The following GLG1 variants were observed in gnomAD, a reference collection of about 807,000 sequenced individuals.
The protein encoded by GLG1 is golgi glycoprotein 1.
Under a neutral mutation model 160.5 loss-of-function variants are expected in GLG1, and 38 were observed. The ratio of observed to expected loss-of-function variants is 0.24; its 90% CI spans 0.18 to 0.31. GLG1 has a LOEUF of 0.31. Among genes scored for constraint, GLG1 ranks in the 10% least tolerant of loss-of-function variants. GLG1 has a pLI of 1.00. For missense variants in GLG1, 1,373 were observed against 1,505.2 expected (o/e 0.91, Z 1.45); for synonymous variants, 644 against 543.4 (o/e 1.19, Z -2.57).
At chr16:74,517,006 G>C (rs1197163670) in intron 2 of GLG1, among the ~76,000 whole-genome samples, 1 of 152,192 alleles carries the variant, frequency 6.6e-6, no homozygotes, top group African/African-American at 2.4e-5. Context: ...AAACCAGGAA[G>C]AAGTTGAATC....
rs200712036 is a variant in GLG1 at position 74,463,414 on chromosome 16, T to C, written c.2733A>G (p.Glu911=). 172 of 1,613,694 alleles carry C rather than the reference T, an allele frequency of 1.1e-4. 5 individuals are homozygous for C. The Middle Eastern group carries it at 7.6e-3, about 71-fold the overall frequency. The change falls in exon 20 of 26, where the codon GAA becomes GAG. Residue 911 remains glutamate, a synonymous_variant. Coordinates refer to ENST00000422840, the MANE Select transcript of GLG1 (RefSeq NM_001145667.2). ...TCTGTTTGCATTTGGGATCCATCAATTCACTGTTTTTATTTTGCTTCAAGC... is the reference window on the plus strand; with the variant it reads ...TCTGTTTGCATTTGGGATCCATCAACTCACTGTTTTTATTTTGCTTCAAGC... ...LQCLKQNKNS[E]LMDPKCKQMI...
At chr16:74,462,400 G>A (rs901741375) in intron 21 of GLG1, 88 bp downstream of exon 21, 225 of 1,271,350 alleles carry the variant, frequency 1.8e-4, no homozygotes, top group Non-Finnish European at 2.3e-4. Flanking sequence ...TTGGGAAAAC[G>A]GGAGCAAGCT....
At chr16:74,470,844 G>A (rs535610717) in intron 15 of GLG1, among the ~76,000 whole-genome samples, 84 of 151,522 alleles carry the variant, frequency 5.5e-4, no homozygotes, top group African/African-American at 1.7e-3. Flanking sequence ...TACAACCTCC[G>A]CCTCCCAGGT....
At chr16:74,579,737 CA>C (rs1400818110) in intron 1 of GLG1, among the ~76,000 whole-genome samples, 1 of 149,172 alleles carries the variant, frequency 6.7e-6, no homozygotes, top group African/African-American at 2.5e-5. Context: ...AAAAACAAAA[CA>C]AAACAAAAAA....
At chr16:74,584,038 T>C (rs1319713613) in intron 1 of GLG1, among the ~76,000 whole-genome samples, 1 of 152,210 alleles carries the variant, frequency 6.6e-6, no homozygotes, top group East Asian at 1.9e-4. Context: ...CAAGTCTGTT[T>C]TGAGGTCTCA....
chr16:74,571,902 C>T (rs1237484868), intron 1 of GLG1, among the ~76,000 whole-genome samples: 2 of 152,148 alleles, frequency 1.3e-5, no homozygotes, highest in Admixed American at 6.5e-5. Context: ...GGTGTGTTCC[C>T]AGCATGTGAT....
chr16:74,592,311 T>G (rs927925719), intron 1 of GLG1, among the ~76,000 whole-genome samples: 6 of 152,142 alleles, frequency 3.9e-5, no homozygotes, highest in African/African-American at 1.2e-4. Context: ...CCTTGCTGAT[T>G]TTTGTATTTT....
chr16:74,561,858 C>G (rs1004684968), intron 1 of GLG1, among the ~76,000 whole-genome samples: 1 of 152,194 alleles, frequency 6.6e-6, no homozygotes, highest in Non-Finnish European at 1.5e-5. Context: ...TCATGGAAGA[C>G]AGAAAATGAT....
At chr16:74,537,661 T>C (rs980530557) in intron 1 of GLG1, among the ~76,000 whole-genome samples, 3 of 144,642 alleles carry the variant, frequency 2.1e-5, no homozygotes, top group Middle Eastern at 3.5e-3. Context: ...TGGTCAAACA[T>C]TGGTTGCGGT....
chr16:74,503,809 C>A, intron 3 of GLG1, 63 bp from the exon 4 acceptor site: 2 of 1,070,182 alleles, frequency 1.9e-6, no homozygotes, highest in Non-Finnish European at 2.8e-6. Context: ...CAATATTTAT[C>A]AAAGAGAAAA....
At chr16:74,475,586 G>T (rs576244420) in intron 12 of GLG1, among the ~76,000 whole-genome samples, 1 of 152,308 alleles carries the variant, frequency 6.6e-6, no homozygotes, top group African/African-American at 2.4e-5. Context: ...GCTATCTGTA[G>T]CATTAGTCTA....
At chr16:74,589,585 C>T (rs543521214) in intron 1 of GLG1, among the ~76,000 whole-genome samples, 7 of 152,196 alleles carry the variant, frequency 4.6e-5, no homozygotes, top group African/African-American at 9.6e-5. Context: ...TATTTATTTG[C>T]GGGTGTGGGG....
chr16:74,494,654 C>G (rs2016122200), intron 6 of GLG1, 106 bp downstream of exon 6: 29 of 542,896 alleles, frequency 5.3e-5, no homozygotes, highest in Middle Eastern at 1.1e-3. Context: ...ATCCACCTGC[C>G]TCAGCCTCCC....
chr16:74,531,877 T>G (rs2017544701), intron 2 of GLG1, among the ~76,000 whole-genome samples: 1 of 152,198 alleles, frequency 6.6e-6, no homozygotes, highest in Non-Finnish European at 1.5e-5. Context: ...CAGAGAATTA[T>G]TTTCACATGG....
chr16:74,494,375 A>G (rs991428862), intron 6 of GLG1, among the ~76,000 whole-genome samples: 4 of 150,534 alleles, frequency 2.7e-5, no homozygotes, highest in Non-Finnish European at 5.9e-5. Flanking sequence ...AGATTATAAG[A>G]AATATTGTTT....
chr16:74,468,083 A>C (rs2015064532), intron 17 of GLG1: 1 of 446,588 alleles, frequency 2.2e-6, no homozygotes, highest in East Asian at 3.8e-5. Context: ...CACCTTATTT[A>C]GTCCTTCACA....
intron 1 of GLG1, among the ~76,000 whole-genome samples, chr16:74,585,892 G>A (rs767640209): frequency 1.3e-5 from 2 of 151,824 alleles, no homozygotes; most frequent in African/African-American, 2.4e-5. Context: ...ATAAAACCCT[G>A]TTCCTACTGA....
intron 4 of GLG1, among the ~76,000 whole-genome samples, chr16:74,503,284 T>C (rs972854187): frequency 1.3e-5 from 2 of 152,132 alleles, no homozygotes; most frequent in African/African-American, 4.8e-5. Context: ...GGTCTAATAT[T>C]GTGAAGATAA....
intron 1 of GLG1, among the ~76,000 whole-genome samples, chr16:74,602,901 C>T (rs1386330618): frequency 1.3e-5 from 2 of 151,998 alleles, no homozygotes; most frequent in Admixed American, 6.6e-5. Flanking sequence ...ATGGCTCATG[C>T]CTGTAATCCA....
Sources: gnomAD v4.1 joint callset for allele counts (sites outside exome capture counted in the v4.1 genomes callset) on GRCh38, gnomAD v4.1.1 for gene constraint, MANE v1.5 for transcripts, NCBI Gene and HGNC (gene_info 2026-07-23, HGNC 2026-07-21) for gene names.